MYO18B: variants seen among roughly 807,000 people sequenced by gnomAD.
The protein encoded by MYO18B is unconventional myosin-XVIIIb.
A neutral mutation model predicts 273.0 loss-of-function variants in MYO18B; 204 were observed. The observed-to-expected ratio is 0.75, with a 90% CI of 0.67 to 0.84. The LOEUF is 0.84. Among genes scored for constraint, MYO18B ranks in the 40% least tolerant of loss-of-function variants. MYO18B has a pLI of 0.00. For synonymous variants in MYO18B, 1,330 were observed against 1,305.7 expected (o/e 1.02, Z -0.40); for missense variants, 3,212 against 3,287.6 (o/e 0.98, Z 0.56).
chr22:25,962,039 C>T (rs190576859), intron 39 of MYO18B, among the ~76,000 whole-genome samples: 1 of 152,312 alleles, frequency 6.6e-6, no homozygotes, highest in African/African-American at 2.4e-5. Context: ...TGGTGTCACA[C>T]TTCTTGTGCA....
intron 16 of MYO18B, among the ~76,000 whole-genome samples, chr22:25,834,873 G>A (rs567627512): frequency 2.0e-5 from 3 of 152,188 alleles, no homozygotes; most frequent in Non-Finnish European, 4.4e-5. Flanking sequence ...TAGAGGAAAC[G>A]ATACAGACAG....
At chr22:25,926,377 C>T (rs2092421765) in intron 34 of MYO18B, among the ~76,000 whole-genome samples, 1 of 151,812 alleles carries the variant, frequency 6.6e-6, no homozygotes, top group Admixed American at 6.6e-5. Flanking sequence ...CTCTGCCTCC[C>T]AGGTTCAAGT....
intron 12 of MYO18B, among the ~76,000 whole-genome samples, chr22:25,818,198 TC>T (rs1282417897): frequency 1.3e-5 from 2 of 152,174 alleles, no homozygotes; most frequent in Non-Finnish European, 2.9e-5. Flanking sequence ...AAAATCCACT[TC>T]CCCCAATGGG....
intron 42 of MYO18B, among the ~76,000 whole-genome samples, chr22:26,018,345 TG>T (rs879455730): frequency 1.7e-4 from 26 of 152,076 alleles, no homozygotes; most frequent in Non-Finnish European, 2.8e-4. Flanking sequence ...GGGGACAGCA[TG>T]GGGACAGATT....
intron 36 of MYO18B, among the ~76,000 whole-genome samples, chr22:25,949,882 C>T (rs1044695786): frequency 6.6e-6 from 1 of 152,094 alleles, no homozygotes; most frequent in African/African-American, 2.4e-5. Context: ...TAAAAAAAAC[C>T]TTTACTCTCC....
At position 25,762,211 on chromosome 22, in the gene MYO18B, GC is replaced by G. The variant is rs1045554783; in HGVS notation, c.40-1016del. 8.9e-4 allele frequency among the ~76,000 whole-genome samples: 136 copies of G among 152,306 alleles called. 1 individual carries two copies. Among genetic ancestry groups the G allele is most frequent in the Admixed American group, 2.8e-3 (43 of 15,310 alleles). On this transcript the variant is annotated intron_variant, in intron 2 of 43. Transcript: ENST00000335473. ...ATGTTGATGTGGGCCCTGCAGTGCTGCCCCTGCTTCTCTGTCCCTGGGCAGA... is the reference window on the plus strand; with the variant it reads ...ATGTTGATGTGGGCCCTGCAGTGCTGCCCTGCTTCTCTGTCCCTGGGCAGA...
chr22:25,988,737 A>G (rs558008302), intron 39 of MYO18B, among the ~76,000 whole-genome samples: 6 of 152,290 alleles, frequency 3.9e-5, no homozygotes, highest in African/African-American at 1.4e-4. Flanking sequence ...AAGGATAGCT[A>G]TGCCACTGTT....
At chr22:26,033,239 C>G (rs1265440132), downstream of MYO18B, among the ~76,000 whole-genome samples, 1 of 152,142 alleles carries the variant, frequency 6.6e-6, no homozygotes. Flanking sequence ...TCCGTATTTT[C>G]TGAGTACCTT....
At chr22:25,966,169 C>A (rs1213670826) in intron 39 of MYO18B, among the ~76,000 whole-genome samples, 1 of 152,208 alleles carries the variant, frequency 6.6e-6, no homozygotes, top group African/African-American at 2.4e-5. Context: ...TTCATTTTCT[C>A]CTGCCTTCTG....
intron 36 of MYO18B, among the ~76,000 whole-genome samples, chr22:25,949,376 G>A (rs1057487473): frequency 2.6e-5 from 4 of 152,200 alleles, no homozygotes; most frequent in African/African-American, 9.7e-5. Context: ...ATGGGCTTGG[G>A]AGATGATCGG....
intron 7 of MYO18B, 42 bp from the exon 8 acceptor site, chr22:25,777,541 A>C (rs758242801): frequency 1.9e-6 from 3 of 1,539,684 alleles, no homozygotes; most frequent in Non-Finnish European, 2.6e-6. Flanking sequence ...CTCCCTAGGC[A>C]GTGGCTGGAT....
At chr22:26,012,201 A>G (rs1934970056) in intron 42 of MYO18B, among the ~76,000 whole-genome samples, 1 of 152,268 alleles carries the variant, frequency 6.6e-6, no homozygotes, top group Admixed American at 6.5e-5. Flanking sequence ...AGGGCTGCTT[A>G]AATGATGAGA....
chr22:25,899,958 T>G (rs2091898220), intron 29 of MYO18B: 1 of 152,310 alleles, frequency 6.6e-6, no homozygotes, highest in South Asian at 2.1e-4. Flanking sequence ...CCCCCAACTA[T>G]GGGTTCTACT....
chr22:26,045,870 C>G, the MYO18B span, among the ~76,000 whole-genome samples: 1 of 152,166 alleles, frequency 6.6e-6, no homozygotes, highest in Non-Finnish European at 1.5e-5. Context: ...AACAGTTACC[C>G]GTGTATACCA....
intron 29 of MYO18B, 32 bp from the exon 30 acceptor site, chr22:25,902,581 C>G: frequency 6.3e-7 from 1 of 1,593,992 alleles, no homozygotes; most frequent in Non-Finnish European, 8.5e-7. Context: ...CACCTGCCTA[C>G]GGGGCCCTGA....
rs142695725 is a variant in MYO18B, at chr22:25,786,525, T to C, written c.2376+1034T>C. 3.9e-3 allele frequency among the ~76,000 whole-genome samples: 584 copies of C among 151,406 alleles called. 8 individuals carry two copies. The highest frequency in any genetic ancestry group is 0.014 in the African/African-American group (561 of 41,336). ...AAAAAAATCCATATTTCACATGATA[T>C]ACTAAAATTAACAAAAAATGAGTCA... On this transcript the variant is annotated intron_variant, in intron 11 of 43. Transcript: ENST00000335473.
intron 39 of MYO18B, among the ~76,000 whole-genome samples, chr22:25,965,509 G>A (rs2092968135): frequency 6.6e-6 from 1 of 152,142 alleles, no homozygotes; most frequent in Non-Finnish European, 1.5e-5. Context: ...GGCTTGTAGT[G>A]TTTGCCAATT....
intron 18 of MYO18B, among the ~76,000 whole-genome samples, chr22:25,845,036 T>C (rs192190141): frequency 7.3e-5 from 11 of 149,670 alleles, no homozygotes; most frequent in African/African-American, 1.9e-4. Context: ...TTTCCCTCTT[T>C]TAAGCTACAT....
intron 8 of MYO18B, among the ~76,000 whole-genome samples, chr22:25,779,131 AT>A (rs961245121): frequency 4.6e-5 from 7 of 152,066 alleles, no homozygotes; most frequent in African/African-American, 1.2e-4. Flanking sequence ...AAAGAGTAAA[AT>A]TTTTTTTACC....
Sources: allele counts gnomAD v4.1 joint callset (sites outside exome capture counted in the v4.1 genomes callset), GRCh38; gene constraint gnomAD v4.1.1; transcripts MANE v1.5; gene names NCBI Gene and HGNC (gene_info 2026-07-23, HGNC 2026-07-21).